NDNF: variants seen among roughly 807,000 people sequenced by gnomAD.
NDNF encodes the protein neuron derived neurotrophic factor, also known as protein NDNF.
A neutral mutation model predicts 42.0 loss-of-function variants in NDNF; 16 were observed. The ratio of observed to expected loss-of-function variants is 0.38; its 90% CI spans 0.26 to 0.58. NDNF has a LOEUF of 0.58. NDNF is among the 20% of genes least tolerant of loss of function. The pLI is 0.67. For synonymous variants in NDNF, 248 were observed against 251.7 expected (o/e 0.99, Z 0.14); for missense variants, 616 against 666.2 (o/e 0.92, Z 0.83).
At chr4:121,039,184 G>A (rs58826891) in intron 3 of NDNF, among the ~76,000 whole-genome samples, 845 of 15,716 alleles carry the variant, frequency 0.054, 52 homozygotes, top group East Asian at 0.29. Flanking sequence ...GACTATGTGT[G>A]TGTGTGTGTA....
At position 121,039,914 on chromosome 4, in the gene NDNF, C is replaced by A. The variant is rs1428753562; in HGVS notation, c.313+16G>T. 6.2e-7 allele frequency: 1 copy of A among 1,609,600 alleles called. No homozygotes were observed. On this transcript the variant is annotated intron_variant, in intron 3 of 3. Coordinates refer to ENST00000379692, the MANE Select transcript of NDNF (RefSeq NM_024574.4). ...TCCATTCAAAGGTCCAGGGGCAGAT[C>A]TATCCTGCTGCTTACCTGAGCCTTC...
chr4:121,037,689 T>C, intron 3 of NDNF, 32 bp from the exon 4 acceptor site: 3 of 1,533,184 alleles, frequency 2.0e-6, no homozygotes, highest in Non-Finnish European at 2.6e-6. Flanking sequence ...CAGGCTACTG[T>C]CAGGGCATAC....
At chr4:121,068,069 T>C (rs1053608847) in intron 1 of NDNF, among the ~76,000 whole-genome samples, 5 of 152,234 alleles carry the variant, frequency 3.3e-5, no homozygotes, top group African/African-American at 1.2e-4. Context: ...AACAAAAATA[T>C]AACTGAGTTT....
In NDNF at chr4:121,060,591, A is replaced by G. The variant is rs142049115; in HGVS notation, c.-2+11402T>C. The stretch of plus-strand genomic sequence containing the variant: ...TTAGGAGACGGTGACAAGATTCAAA[A>G]TTACACCAAAGTTTCTAGTTTGTTC... On this transcript the variant is annotated intron_variant, in intron 1 of 3. Coordinates refer to ENST00000379692, the MANE Select transcript of NDNF (RefSeq NM_024574.4). Among the ~76,000 whole-genome samples, 539 of 152,342 alleles carry G rather than the reference A, an allele frequency of 3.5e-3. 1 individual carries two copies. The highest frequency in any genetic ancestry group is 5.4e-3 in the Non-Finnish European group (364 of 68,032).
intron 1 of NDNF, among the ~76,000 whole-genome samples, chr4:121,051,500 T>C (rs941810116): frequency 3.9e-5 from 6 of 152,092 alleles, no homozygotes; most frequent in Non-Finnish European, 8.8e-5. Context: ...GTAAGCAAAG[T>C]AAAAATTTAA....
intron 1 of NDNF, among the ~76,000 whole-genome samples, chr4:121,059,713 A>C (rs918661033): frequency 6.6e-6 from 1 of 152,226 alleles, no homozygotes; most frequent in Non-Finnish European, 1.5e-5. Flanking sequence ...TGAGCACAGG[A>C]ATGGCATAGA....
At chr4:121,047,657 G>A (rs1579313737) in intron 1 of NDNF, among the ~76,000 whole-genome samples, 1 of 152,296 alleles carries the variant, frequency 6.6e-6, no homozygotes, top group South Asian at 2.1e-4. Flanking sequence ...CTTACTAGAT[G>A]TGTGATCTTA....
rs1219950319 is a variant in NDNF at position 121,066,045 on chromosome 4, G to A, written c.-2+5948C>T. 3.3e-5 allele frequency among the ~76,000 whole-genome samples: 5 copies of A among 152,218 alleles called. No homozygotes were observed. In the East Asian group the frequency reaches 9.7e-4, roughly 29 times the overall value. On this transcript the variant is annotated intron_variant, in intron 1 of 3. Transcript: ENST00000379692. ...GGTACCCTGAGAGGCCCTGGGAGCA[G>A]GGTGGCTTCCCTGGTACCTCTAAGG...
chr4:121,048,981 T>A (rs1237446538), intron 1 of NDNF, among the ~76,000 whole-genome samples: 3 of 152,240 alleles, frequency 2.0e-5, no homozygotes, highest in East Asian at 1.9e-4. Context: ...CTATTCTTTT[T>A]TCTCATTTTA....
rs773001030 is a variant in NDNF, at chr4:121,037,213, G to T, written c.758C>A (p.Ala253Asp). Residue 253 changes from alanine (A) to aspartate (D), a missense_variant, in exon 4 of 4, where the codon GCC (alanine) becomes GAC (aspartate). Transcript: ENST00000379692. Reference protein sequence around the residue: ...PGLDFSPFDFAHFGFPSDNSG... With the variant: ...PGLDFSPFDFDHFGFPSDNSG... Reference sequence around the variant, plus strand: ...ATTATCAGAAGGAAATCCAAAGTGGGCAAAGTCAAAGGGGCTGAAGTCCAG... The same window carrying T: ...ATTATCAGAAGGAAATCCAAAGTGGTCAAAGTCAAAGGGGCTGAAGTCCAG... 2 of 1,614,014 alleles carry T rather than the reference G, an allele frequency of 1.2e-6. No homozygotes were observed. Among genetic ancestry groups the T allele is most frequent in the African/African-American group, 1.3e-5 (1 of 74,984 alleles).
chr4:121,062,401 A>G (rs896127730), intron 1 of NDNF, among the ~76,000 whole-genome samples: 1 of 152,232 alleles, frequency 6.6e-6, no homozygotes, highest in African/African-American at 2.4e-5. Flanking sequence ...GCACGTGTTG[A>G]GATCAGAGCA....
Position 121,037,054 on chromosome 4 carries a change from G to A in NDNF, c.917C>T (p.Pro306Leu). 1 of 1,613,848 alleles carries A rather than the reference G, an allele frequency of 6.2e-7. No individual in the cohort carries two copies. The highest frequency in any genetic ancestry group is 8.5e-7 in the Non-Finnish European group (1 of 1,179,992). The change falls in exon 4 of 4, where the codon CCC (proline) becomes CTC (leucine). Residue 306 changes from proline to leucine, a missense_variant. Pro to Leu is a moderately conservative substitution (Grantham distance 98). Coordinates refer to ENST00000379692, the MANE Select transcript of NDNF (RefSeq NM_024574.4). ...TACATCAAAGTAGTACTGCGTGTCG[G>A]GTTTCAGATCAGAGACGGTGAAGAT... Reference protein sequence around the residue: ...KNIFTVSDLKPDTQYYFDVFV... With the variant: ...KNIFTVSDLKLDTQYYFDVFV...
intron 2 of NDNF, 142 bp downstream of exon 2, chr4:121,045,508 G>A: frequency 1.5e-6 from 1 of 646,680 alleles, no homozygotes; most frequent in East Asian, 2.7e-5. Flanking sequence ...GCACTGCCAT[G>A]TTCCCCCTTA....
At chr4:121,067,650 T>C (rs1473969494) in intron 1 of NDNF, among the ~76,000 whole-genome samples, 1 of 152,196 alleles carries the variant, frequency 6.6e-6, no homozygotes, top group Admixed American at 6.5e-5. Context: ...GCCAAATTTG[T>C]CTCTTTATCC....
At chr4:121,067,287 C>T (rs1000707793) in intron 1 of NDNF, among the ~76,000 whole-genome samples, 13 of 152,096 alleles carry the variant, frequency 8.5e-5, no homozygotes, top group African/African-American at 3.1e-4. Context: ...ACTACTACCT[C>T]TAGCCACATT....
chr4:121,037,513 G>C lies in NDNF; in HGVS notation c.458C>G (p.Thr153Arg), dbSNP rs1726898665. The change falls in exon 4 of 4, where the codon ACA (threonine) becomes AGA (arginine). Residue 153 changes from threonine (T) to arginine (R), a missense_variant. Thr to Arg is a moderately conservative substitution (Grantham distance 71). Transcript: ENST00000379692. The stretch of plus-strand genomic sequence containing the variant: ...TACTTTGAAATGTGTGTCTTTCTCT[G>C]TTGAAAGAAGATCCAACTGATATAA... Reference protein sequence around the residue: ...SGLYQLDLLSTEKDTHFKVYA... With the variant: ...SGLYQLDLLSREKDTHFKVYA... The C allele has an allele frequency of 6.2e-7, 1 of 1,613,932 alleles. No individual in the cohort carries two copies. The highest frequency in any genetic ancestry group is 1.1e-5 in the South Asian group (1 of 91,086).
intron 1 of NDNF, among the ~76,000 whole-genome samples, chr4:121,053,283 A>G (rs1397577824): frequency 6.6e-6 from 1 of 152,216 alleles, no homozygotes; most frequent in African/African-American, 2.4e-5. Context: ...AAAACATGCC[A>G]AGGATTCGAA....
At chr4:121,058,479 G>A (rs1350909554) in intron 1 of NDNF, among the ~76,000 whole-genome samples, 1 of 152,120 alleles carries the variant, frequency 6.6e-6, no homozygotes, top group Non-Finnish European at 1.5e-5. Flanking sequence ...CTGTGACTGT[G>A]GGCAGATGAT....
intron 3 of NDNF, 156 bp from the exon 4 acceptor site, chr4:121,037,813 T>G: frequency 1.8e-6 from 1 of 549,054 alleles, no homozygotes; most frequent in East Asian, 2.9e-5. Context: ...AATATTTATT[T>G]TGACCATTAT....
Sources: allele counts gnomAD v4.1 joint callset (sites outside exome capture counted in the v4.1 genomes callset), GRCh38; gene constraint gnomAD v4.1.1; transcripts MANE v1.5; gene names NCBI Gene and HGNC (gene_info 2026-07-23, HGNC 2026-07-21).